ATP1A3: variants seen among roughly 807,000 people sequenced by gnomAD.
ATP1A3 encodes the protein sodium/potassium-transporting ATPase subunit alpha-3.
ATP1A3 carries 12 observed loss-of-function variants against 108.8 expected under a neutral mutation model. That is an observed-to-expected ratio of 0.11 (90% CI 0.07 to 0.18). ATP1A3 has a LOEUF of 0.18. ATP1A3 is among the 10% of genes least tolerant of loss of function. The pLI, the probability that ATP1A3 is intolerant of heterozygous loss-of-function variation, is 1.00. For synonymous variants in ATP1A3, 539 were observed against 564.5 expected (o/e 0.95, Z 0.64); for missense variants, 498 against 1,387.7 (o/e 0.36, Z 10.19).
intron 4 of ATP1A3, among the ~76,000 whole-genome samples, chr19:41,987,078 G>A (rs1319808122): frequency 6.6e-6 from 1 of 152,144 alleles, no homozygotes; most frequent in East Asian, 1.9e-4. Context: ...CTGTCCTCCT[G>A]CACATGTTGA....
chr19:41,989,799 TTCTC>T (rs1204077479), intron 1 of ATP1A3, among the ~76,000 whole-genome samples: 1 of 152,098 alleles, frequency 6.6e-6, no homozygotes, highest in Non-Finnish European at 1.5e-5. Context: ...GCAAGGCTGT[TTCTC>T]TCTCTTGATA....
chr19:41,985,213 G>A lies in ATP1A3; in HGVS notation c.725-27C>T. 2 of 1,613,946 alleles carry A rather than the reference G, an allele frequency of 1.2e-6. No homozygotes were observed. Among genetic ancestry groups the A allele is most frequent in the Non-Finnish European group, 1.7e-6 (2 of 1,179,938 alleles). On this transcript the variant is annotated intron_variant, in intron 7 of 22. Transcript: ENST00000648268. The surrounding 1 kb of genome is among the most constrained non-coding windows in gnomAD (Gnocchi z 8.2). ...TGCAGGCCAGAGGGGTTAGGCTGAG[G>A]TGGGGTGGCTCAGGGAGGTTCTGGA...
At chr19:41,970,624 T>A (rs567452889) in intron 16 of ATP1A3, 82 bp from the exon 17 acceptor site, 2 of 948,154 alleles carry the variant, frequency 2.1e-6, no homozygotes, top group South Asian at 1.7e-5. Context: ...TCATCCAACG[T>A]CCTTTTTTTT....
rs1555858799 is a variant in ATP1A3, at chr19:41,967,202, C to T, written c.3013+47G>A. On this transcript the variant is annotated intron_variant, in intron 22 of 22. Transcript: ENST00000648268. This position sits in a 1 kb window ranked among gnomAD's most constrained non-coding sequence, Gnocchi z 4.2. The stretch of plus-strand genomic sequence containing the variant: ...GGAGCCTGGGACCAGCTGCCTGAGA[C>T]CCTGCTGCCCCCCGCCCCCCTCGGC... 1 of 1,613,130 alleles carries T rather than the reference C, an allele frequency of 6.2e-7. No homozygotes were observed. The highest frequency in any genetic ancestry group is 1.7e-5 in the Admixed American group (1 of 59,886).
chr19:41,981,392 AT>A lies in ATP1A3; in HGVS notation c.1437+109del, dbSNP rs782247446. ...CTGTTCCTCTCCCCACCAGGCGGGTATTATCATTCCCATTTTACAGACGGGA... is the reference window on the plus strand; with the variant it reads ...CTGTTCCTCTCCCCACCAGGCGGGTATATCATTCCCATTTTACAGACGGGA... On this transcript the variant is annotated intron_variant, in intron 11 of 22. Transcript: ENST00000648268. The surrounding 1 kb of genome is among the most constrained non-coding windows in gnomAD (Gnocchi z 5.0). 1.0e-5 allele frequency: 16 copies of A among 1,535,018 alleles called. No homozygotes were observed. The highest frequency in any genetic ancestry group is 1.4e-5 in the Non-Finnish European group (16 of 1,113,012).
intron 1 of ATP1A3, among the ~76,000 whole-genome samples, chr19:41,990,219 CTAATA>C (rs1340477543): frequency 6.6e-6 from 1 of 151,860 alleles, no homozygotes; most frequent in East Asian, 1.9e-4. Flanking sequence ...CTCTGTCTCT[CTAATA>C]TCTCTCTCTG....
chr19:41,978,699 G>T lies in ATP1A3; in HGVS notation c.1537C>A (p.Leu513Ile), dbSNP rs2075198307. 1 of 1,614,046 alleles carries T rather than the reference G, an allele frequency of 6.2e-7. No homozygotes were observed. Among genetic ancestry groups the T allele is most frequent in the Admixed American group, 1.7e-5 (1 of 60,006 alleles). Residue 513 changes from leucine (L) to isoleucine (I), a missense_variant, in exon 12 of 23, where the codon CTA (leucine) becomes ATA (isoleucine). This residue lies in a region of ATP1A3 where 92 missense variants were observed against 168.7 expected (regional missense o/e 0.55). Coordinates refer to ENST00000648268, the MANE Select transcript of ATP1A3 (RefSeq NM_152296.5). This position sits in a 1 kb window ranked among gnomAD's most constrained non-coding sequence, Gnocchi z 8.3. ...TCCAGAGGCTGCTCCTTGCCCTGTAGCAGGATGGTGGAGCAGCGGTCCAGG... is the reference window on the plus strand; with the variant it reads ...TCCAGAGGCTGCTCCTTGCCCTGTATCAGGATGGTGGAGCAGCGGTCCAGG... ...RILDRCSTILLQGKEQPLDEE... is the reference protein window; with the variant it reads ...RILDRCSTILIQGKEQPLDEE...
chr19:41,985,797 A>C lies in ATP1A3; in HGVS notation c.606+67T>G. 6.3e-7 allele frequency: 1 copy of C among 1,597,884 alleles called. No individual in the cohort carries two copies. The highest frequency in any genetic ancestry group is 8.5e-7 in the Non-Finnish European group (1 of 1,173,598). On this transcript the variant is annotated intron_variant, in intron 6 of 22. Coordinates refer to ENST00000648268, the MANE Select transcript of ATP1A3 (RefSeq NM_152296.5). The surrounding 1 kb of genome is among the most constrained non-coding windows in gnomAD (Gnocchi z 8.2). ...CCTGGACTCCTGAGTGTGAGGGAGG[A>C]GGGGCTGGGCCTGAGCTCCTGGGCA...
rs1555859065 is a variant in ATP1A3, at chr19:41,968,329, C to T, written c.2819+456G>A. The stretch of plus-strand genomic sequence containing the variant: ...AGGAGTTTGAGACCAGCCTGGGCAA[C>T]ATGGTGAAACTCTACTAAAAATACG... On this transcript the variant is annotated intron_variant, in intron 20 of 22. Coordinates refer to ENST00000648268, the MANE Select transcript of ATP1A3 (RefSeq NM_152296.5). The surrounding 1 kb of genome is among the most constrained non-coding windows in gnomAD (Gnocchi z 5.0). Among the ~76,000 whole-genome samples, 2 of 152,072 alleles carry T rather than the reference C, an allele frequency of 1.3e-5. No homozygotes were observed. The highest frequency in any genetic ancestry group is 4.8e-5 in the African/African-American group (2 of 41,406).
intron 16 of ATP1A3, among the ~76,000 whole-genome samples, chr19:41,975,212 C>T (rs1032242402): frequency 2.0e-5 from 3 of 152,128 alleles, no homozygotes; most frequent in Non-Finnish European, 2.9e-5. Flanking sequence ...CCACAATGCC[C>T]GGCTAATTTT....
At position 41,988,155 on chromosome 19, in the gene ATP1A3, C is replaced by T. The variant is rs782262334; in HGVS notation, c.154-16G>A. 1.7e-5 allele frequency: 28 copies of T among 1,614,130 alleles called. 1 individual carries two copies. Among genetic ancestry groups the T allele is most frequent in the African/African-American group, 4.0e-5 (3 of 75,016 alleles). ...GGGTCAAACCCTGAGGGACAGAGGA[C>T]TCACACAGAACCCTCCCTGGGCAAC... is the stretch of plus-strand genomic sequence containing the variant. On this transcript the variant is annotated splice_polypyrimidine_tract_variant and intron_variant, in intron 3 of 22. Coordinates refer to ENST00000648268, the MANE Select transcript of ATP1A3 (RefSeq NM_152296.5). This position sits in a 1 kb window ranked among gnomAD's most constrained non-coding sequence, Gnocchi z 5.3.
At chr19:41,992,190 A>C (rs901359157) in intron 1 of ATP1A3, among the ~76,000 whole-genome samples, 1 of 151,252 alleles carries the variant, frequency 6.6e-6, no homozygotes, top group Non-Finnish European at 1.5e-5. Flanking sequence ...GGGAGGAGGG[A>C]CCGGGACCCT....
Position 41,973,624 on chromosome 19 carries a change from G to T in ATP1A3, c.2263+2005C>A, listed in dbSNP as rs560674466. Among the ~76,000 whole-genome samples the T allele has an allele frequency of 5.9e-5, 9 of 152,270 alleles. No individual in the cohort carries two copies. The South Asian group carries it at 1.9e-3, about 32-fold the overall frequency. ...TTCCCTGTCCACCCCATCTGGGCAG[G>T]ACCCTCACTATTATCTATCACAGCG... On this transcript the variant is annotated intron_variant, in intron 16 of 22. Transcript: ENST00000648268.
Position 41,985,083 on chromosome 19 carries a change from G to A in ATP1A3, c.828C>T (p.Ile276=), listed in dbSNP as rs372952520. The A allele has an allele frequency of 2.4e-5, 38 of 1,613,770 alleles. No homozygotes were observed. In the East Asian group the frequency reaches 6.5e-4, roughly 27 times the overall value. The change falls in exon 8 of 23, where the codon ATC becomes ATT. Residue 276 remains isoleucine (I), a synonymous_variant. Transcript: ENST00000648268. This position sits in a 1 kb window ranked among gnomAD's most constrained non-coding sequence, Gnocchi z 8.2. The part of the protein sequence containing the change: ...GLEVGKTPIA[I]EIEHFIQLIT... ...TGAGCTGGATGAAGTGCTCAATCTCGATGGCGATGGGCGTCTTGCCCACCT... is the reference window on the plus strand; with the variant it reads ...TGAGCTGGATGAAGTGCTCAATCTCAATGGCGATGGGCGTCTTGCCCACCT...
At chr19:41,972,861 AGAAG>A (rs1460538185) in intron 16 of ATP1A3, among the ~76,000 whole-genome samples, 6 of 51,136 alleles carry the variant, frequency 1.2e-4, no homozygotes, top group East Asian at 1.1e-3. Flanking sequence ...AAGGAAGGAA[AGAAG>A]GAAGGAAGGC....
At chr19:41,969,724 G>A (rs925201708) in intron 18 of ATP1A3, 144 bp from the exon 19 acceptor site, 7 of 1,218,440 alleles carry the variant, frequency 5.7e-6, no homozygotes, top group Non-Finnish European at 8.2e-6. Context: ...TTCCCAGAGG[G>A]TGACCTGAGG....
At chr19:41,972,775 G>T (rs565610997) in intron 16 of ATP1A3, among the ~76,000 whole-genome samples, 1 of 147,972 alleles carries the variant, frequency 6.8e-6, no homozygotes, top group Non-Finnish European at 1.5e-5. Flanking sequence ...AAAAGGGGAG[G>T]GGAGGGGAGG....
chr19:41,969,414 A>C, intron 19 of ATP1A3, 21 bp downstream of exon 19: 1 of 1,614,090 alleles, frequency 6.2e-7, no homozygotes, highest in Non-Finnish European at 8.5e-7. Flanking sequence ...GGGCAGAGAC[A>C]CAGCACCCTG....
At chr19:41,972,228 C>A (rs782168833) in intron 16 of ATP1A3, among the ~76,000 whole-genome samples, 1 of 151,754 alleles carries the variant, frequency 6.6e-6, no homozygotes, top group African/African-American at 2.4e-5. Context: ...CCAGCCTGGG[C>A]AACAGAGCAA....
Sources: allele counts gnomAD v4.1 joint callset (sites outside exome capture counted in the v4.1 genomes callset), GRCh38; gene constraint gnomAD v4.1.1; regional missense constraint gnomAD v4.1.1; non-coding constraint Gnocchi (gnomAD v3.1); transcripts MANE v1.5; gene names NCBI Gene and HGNC (gene_info 2026-07-23, HGNC 2026-07-21).